Variants in CDH23 observed in about 807,000 individuals in gnomAD.
The protein encoded by CDH23 is cadherin-23.
In CDH23, 189 loss-of-function variants were observed where a neutral mutation model predicts 317.1. The ratio of observed to expected loss-of-function variants is 0.60; its 90% CI spans 0.53 to 0.67. The LOEUF (loss-of-function observed/expected upper bound fraction) is 0.67. CDH23 is among the 30% of genes least tolerant of loss of function. The pLI is 0.00. For synonymous variants in CDH23, 1,839 were observed against 1,876.8 expected (o/e 0.98, Z 0.52); for missense variants, 4,401 against 4,592.4 (o/e 0.96, Z 1.20).
At chr10:71,585,847 A>G (rs576451292) in intron 9 of CDH23, among the ~76,000 whole-genome samples, 2 of 152,260 alleles carry the variant, frequency 1.3e-5, no homozygotes, top group East Asian at 3.9e-4. Flanking sequence ...GAGGTCCTGT[A>G]TGCTCTTTGT....
chr10:71,543,998 A>G (rs10762454), intron 6 of CDH23, among the ~76,000 whole-genome samples: 86,224 of 152,086 alleles, frequency 0.57, 24,943 homozygotes, highest in East Asian at 0.87. Flanking sequence ...AGCAGGCTGT[A>G]TTTTCCATCC....
At chr10:71,430,676 G>A (rs968099307) in intron 1 of CDH23, among the ~76,000 whole-genome samples, 1 of 152,152 alleles carries the variant, frequency 6.6e-6, no homozygotes, top group East Asian at 1.9e-4. Flanking sequence ...CTGGCCTGGT[G>A]GTGGGAGCCT....
chr10:71,654,754 C>T (rs74511324), intron 14 of CDH23, among the ~76,000 whole-genome samples: 2,761 of 152,304 alleles, frequency 0.018, 183 homozygotes, highest in East Asian at 0.16. Context: ...CGTGTCCGGA[C>T]ATCTCCCAGC....
Position 71,557,998 on chromosome 10 carries a change from A to ATTTATTTATTTG in CDH23, c.430-8733_430-8732insGTTTATTTATTT, listed in dbSNP as rs1203001454. Among the ~76,000 whole-genome samples the ATTTATTTATTTG allele has an allele frequency of 6.7e-5, 10 of 148,742 alleles. 1 individual carries two copies. Among genetic ancestry groups the ATTTATTTATTTG allele is most frequent in the Admixed American group, 4.7e-4 (7 of 14,968 alleles). On this transcript the variant is annotated intron_variant, in intron 6 of 69. Transcript: ENST00000224721. The stretch of plus-strand genomic sequence containing the variant: ...CTTCATTTACTCTTTTTTTTAACTT[A>ATTTATTTATTTG]TTTATTTATTTATTTTTGAGACAGA...
chr10:71,752,991 G>T (rs763996933), intron 38 of CDH23: 5 of 1,613,054 alleles, frequency 3.1e-6, no homozygotes, highest in Non-Finnish European at 3.4e-6. Context: ...ATCCGCACCA[G>T]CTCCTGGGCA....
intron 14 of CDH23, among the ~76,000 whole-genome samples, chr10:71,664,681 C>T (rs926489102): frequency 1.3e-4 from 20 of 152,216 alleles, no homozygotes; most frequent in Admixed American, 9.8e-4. Context: ...GTGTGCATTA[C>T]CTTCCTTAAT....
chr10:71,720,204 G>T (rs1208488386), intron 28 of CDH23, among the ~76,000 whole-genome samples: 2 of 152,210 alleles, frequency 1.3e-5, no homozygotes, highest in Non-Finnish European at 2.9e-5. Context: ...CCCTCCTGCA[G>T]CGTCCCTGGG....
chr10:71,759,966 T>TATACACACAC (rs1840282100), intron 38 of CDH23, among the ~76,000 whole-genome samples: 1 of 93,730 alleles, frequency 1.1e-5, no homozygotes, highest in African/African-American at 3.4e-5. Context: ...CACACACATA[T>TATACACACAC]ATATACACAC....
chr10:71,545,912 G>A (rs1270751973), intron 6 of CDH23, among the ~76,000 whole-genome samples: 2 of 152,192 alleles, frequency 1.3e-5, no homozygotes, highest in African/African-American at 2.4e-5. Flanking sequence ...CCCAGGGAGT[G>A]ACGGGCAATG....
chr10:71,601,917 T>G (rs1287931560), intron 9 of CDH23, among the ~76,000 whole-genome samples: 1 of 139,772 alleles, frequency 7.2e-6, no homozygotes, highest in Non-Finnish European at 1.6e-5. Context: ...ATCTCTGTTC[T>G]CCCTTCAGGC....
At chr10:71,529,516 A>G (rs1384634430) in intron 6 of CDH23, among the ~76,000 whole-genome samples, 1 of 152,116 alleles carries the variant, frequency 6.6e-6, no homozygotes, top group Non-Finnish European at 1.5e-5. Flanking sequence ...CCATTTTTTC[A>G]TGGAGCTTTG....
chr10:71,562,049 C>T (rs866611867), intron 6 of CDH23, among the ~76,000 whole-genome samples: 8 of 152,224 alleles, frequency 5.3e-5, no homozygotes, highest in Middle Eastern at 6.8e-3. Flanking sequence ...AGGAGGAGCC[C>T]AACCCCCAGC....
At chr10:71,744,159 A>G (rs1235007978) in intron 38 of CDH23, among the ~76,000 whole-genome samples, 1 of 152,180 alleles carries the variant, frequency 6.6e-6, no homozygotes, top group Admixed American at 6.5e-5. Flanking sequence ...GGCCAGATAT[A>G]TCACTTCCCA....
chr10:71,564,214 A>C (rs1207141630), intron 6 of CDH23, among the ~76,000 whole-genome samples: 1 of 152,188 alleles, frequency 6.6e-6, no homozygotes, highest in Non-Finnish European at 1.5e-5. Flanking sequence ...ATCTGTGTGC[A>C]TGTCTGTGCA....
intron 38 of CDH23, among the ~76,000 whole-genome samples, chr10:71,747,393 G>A (rs1306641930): frequency 6.6e-6 from 1 of 152,218 alleles, no homozygotes; most frequent in East Asian, 1.9e-4. Context: ...GCACAGATAG[G>A]AACGTTTCTG....
intron 61 of CDH23, 66 bp from the exon 62 acceptor site, chr10:71,810,406 A>T: frequency 7.0e-7 from 1 of 1,431,298 alleles, no homozygotes; most frequent in Non-Finnish European, 9.8e-7. Context: ...TTCCTAAAAG[A>T]GGCCTGCCCA....
intron 9 of CDH23, among the ~76,000 whole-genome samples, chr10:71,607,210 C>T (rs1319635960): frequency 6.6e-6 from 1 of 152,212 alleles, no homozygotes; most frequent in Non-Finnish European, 1.5e-5. Flanking sequence ...GCCAGCCTGC[C>T]CCAGGGGCGG....
intron 3 of CDH23, among the ~76,000 whole-genome samples, chr10:71,479,976 T>C (rs1011845458): frequency 2.0e-5 from 3 of 152,208 alleles, no homozygotes; most frequent in African/African-American, 7.2e-5. Context: ...TCTGGATACC[T>C]GCCTGCCACG....
chr10:71,709,009 C>T (rs1228593563), intron 26 of CDH23, 89 bp from the exon 27 acceptor site: 11 of 1,172,584 alleles, frequency 9.4e-6, no homozygotes, highest in Admixed American at 3.8e-5. Context: ...GACTCACCAT[C>T]GCGGGTCCCA....
Sources: gnomAD v4.1 joint callset for allele counts (sites outside exome capture counted in the v4.1 genomes callset) on GRCh38, gnomAD v4.1.1 for gene constraint, MANE v1.5 for transcripts, NCBI Gene and HGNC (gene_info 2026-07-23, HGNC 2026-07-21) for gene names.